Variants in ST7 observed in about 807,000 individuals in gnomAD.
The protein encoded by ST7 is suppressor of tumorigenicity 7 protein.
Under a neutral mutation model 78.7 loss-of-function variants are expected in ST7, and 28 were observed. The ratio of observed to expected loss-of-function variants is 0.36; its 90% CI spans 0.26 to 0.49. ST7 has a LOEUF of 0.49. Among genes scored for constraint, ST7 ranks in the 20% least tolerant of loss-of-function variants. The pLI is 0.99. For missense variants in ST7, 418 were observed against 696.0 expected (o/e 0.60, Z 4.49); for synonymous variants, 247 against 249.6 (o/e 0.99, Z 0.10).
intron 1 of ST7, among the ~76,000 whole-genome samples, chr7:117,008,147 C>A (rs1795231525): frequency 6.6e-6 from 1 of 152,058 alleles, no homozygotes; most frequent in Non-Finnish European, 1.5e-5. Flanking sequence ...TAGAAATCTG[C>A]CGAAACCCTT....
At chr7:117,009,492 A>G (rs1423031188) in intron 1 of ST7, among the ~76,000 whole-genome samples, 3 of 152,118 alleles carry the variant, frequency 2.0e-5, no homozygotes, top group East Asian at 3.9e-4. Context: ...TCTGATCATT[A>G]CACTAGAGCT....
intron 9 of ST7, among the ~76,000 whole-genome samples, chr7:117,153,923 G>A (rs915213910): frequency 1.3e-5 from 2 of 152,180 alleles, no homozygotes; most frequent in Non-Finnish European, 2.9e-5. Flanking sequence ...GCATGTGCCA[G>A]TGTGGATGGG....
At chr7:117,194,863 C>A (rs892437427) in intron 12 of ST7, among the ~76,000 whole-genome samples, 1 of 152,158 alleles carries the variant, frequency 6.6e-6, no homozygotes, top group Non-Finnish European at 1.5e-5. Flanking sequence ...CTACACAGAC[C>A]TGGGTTAACC....
At chr7:116,971,747 G>A (rs996220158) in intron 1 of ST7, among the ~76,000 whole-genome samples, 1 of 152,098 alleles carries the variant, frequency 6.6e-6, no homozygotes, top group African/African-American at 2.4e-5. Flanking sequence ...CTTCTCTATG[G>A]AGCGGGCAAT....
At chr7:117,018,366 A>C (rs184882222) in intron 1 of ST7, among the ~76,000 whole-genome samples, 3 of 152,248 alleles carry the variant, frequency 2.0e-5, no homozygotes, top group African/African-American at 7.2e-5. Context: ...TTTCAACATC[A>C]TTATTGATAT....
intron 1 of ST7, among the ~76,000 whole-genome samples, chr7:116,976,907 T>C (rs1793732706): frequency 6.6e-6 from 1 of 152,262 alleles, no homozygotes; most frequent in Admixed American, 6.5e-5. Flanking sequence ...ATTGTTATTT[T>C]AATTTTCATT....
At chr7:117,029,737 G>A (rs1254469187) in intron 1 of ST7, among the ~76,000 whole-genome samples, 1 of 147,632 alleles carries the variant, frequency 6.8e-6, no homozygotes, top group African/African-American at 2.5e-5. Context: ...TTTGTAATAT[G>A]AGGTAATGGT....
At chr7:117,108,679 G>A (rs1314269545) in intron 2 of ST7, among the ~76,000 whole-genome samples, 5 of 151,810 alleles carry the variant, frequency 3.3e-5, no homozygotes, top group East Asian at 1.9e-4. Flanking sequence ...GATTGCTTTC[G>A]GCAGTATGGT....
intron 10 of ST7, among the ~76,000 whole-genome samples, chr7:117,179,654 G>A (rs2117316562): frequency 6.6e-6 from 1 of 152,192 alleles, no homozygotes; most frequent in South Asian, 2.1e-4. Context: ...GGGATGAGGA[G>A]GGATGCAGTG....
intron 12 of ST7, among the ~76,000 whole-genome samples, chr7:117,200,514 T>G (rs1810722282): frequency 6.6e-6 from 1 of 152,188 alleles, no homozygotes; most frequent in Non-Finnish European, 1.5e-5. Flanking sequence ...AGCTTTCATC[T>G]TAATCTTGCC....
intron 1 of ST7, among the ~76,000 whole-genome samples, chr7:116,995,871 A>T (rs1794627823): frequency 6.6e-6 from 1 of 152,210 alleles, no homozygotes; most frequent in Admixed American, 6.5e-5. Context: ...ACTAATTAAA[A>T]TTTTAAAAAT....
At chr7:117,031,108 T>C (rs1796452019) in intron 1 of ST7, among the ~76,000 whole-genome samples, 1 of 152,030 alleles carries the variant, frequency 6.6e-6, no homozygotes, top group Admixed American at 6.6e-5. Context: ...ATACTGCATG[T>C]TATCACTTTT....
chr7:117,173,930 G>T (rs950594138), intron 10 of ST7, among the ~76,000 whole-genome samples: 3 of 151,872 alleles, frequency 2.0e-5, no homozygotes, highest in African/African-American at 4.8e-5. Flanking sequence ...AGGGATGGGG[G>T]TGTCGAAGAA....
At chr7:117,068,700 G>C (rs187768116) in intron 1 of ST7, among the ~76,000 whole-genome samples, 1 of 152,312 alleles carries the variant, frequency 6.6e-6, no homozygotes, top group Admixed American at 6.5e-5. Flanking sequence ...AGCTCTCATT[G>C]TATAGGCTTT....
Position 117,123,736 on chromosome 7 carries a change from A to G in ST7, c.394+4016A>G, listed in dbSNP as rs537264754. 7.4e-4 allele frequency among the ~76,000 whole-genome samples: 112 copies of G among 152,312 alleles called. No individual in the cohort carries two copies. The South Asian group carries it at 9.9e-3, about 14-fold the overall frequency. On this transcript the variant is annotated intron_variant, in intron 3 of 15. Coordinates refer to ENST00000323984, the MANE Select transcript of ST7 (RefSeq NM_001369598.1). Reference sequence around the variant, plus strand: ...AGTAACATTCTGAATTTGAGTTTATAGGAACATCTGTTTGATAATTTGCCT... The same window carrying G: ...AGTAACATTCTGAATTTGAGTTTATGGGAACATCTGTTTGATAATTTGCCT...
rs967441663 is a variant in ST7, at chr7:117,219,506, G to C, written c.1498+330G>C. On this transcript the variant is annotated intron_variant, in intron 14 of 15. Transcript: ENST00000323984. This position sits in a 1 kb window ranked among gnomAD's most constrained non-coding sequence, Gnocchi z 5.1. Reference sequence around the variant, plus strand: ...GGTCCATTGTGAGGGTTCTGCCTGGGCTCTTCAGCTGGACAGATGTGGTCT... The same window carrying C: ...GGTCCATTGTGAGGGTTCTGCCTGGCCTCTTCAGCTGGACAGATGTGGTCT... Among the ~76,000 whole-genome samples the C allele has an allele frequency of 3.9e-5, 6 of 152,204 alleles. No individual in the cohort carries two copies. Among genetic ancestry groups the C allele is most frequent in the African/African-American group, 1.2e-4 (5 of 41,458 alleles).
intron 1 of ST7, among the ~76,000 whole-genome samples, chr7:116,962,754 T>G (rs1792897324): frequency 6.6e-6 from 1 of 152,198 alleles, no homozygotes; most frequent in South Asian, 2.1e-4. Context: ...ACTCTGATGA[T>G]AGTTTCTTTT....
intron 12 of ST7, among the ~76,000 whole-genome samples, chr7:117,205,148 T>A (rs887236070): frequency 2.0e-5 from 3 of 152,182 alleles, no homozygotes; most frequent in African/African-American, 7.2e-5. Context: ...AATCAAATAT[T>A]TAACCACCAT....
chr7:117,159,085 A>G (rs1806927072), intron 9 of ST7, among the ~76,000 whole-genome samples: 1 of 152,192 alleles, frequency 6.6e-6, no homozygotes, highest in Non-Finnish European at 1.5e-5. Context: ...GAACTAATAA[A>G]ATGCTTAAAT....
Sources: allele counts gnomAD v4.1 joint callset (sites outside exome capture counted in the v4.1 genomes callset), GRCh38; gene constraint gnomAD v4.1.1; non-coding constraint Gnocchi (gnomAD v3.1); transcripts MANE v1.5; gene names NCBI Gene and HGNC (gene_info 2026-07-23, HGNC 2026-07-21).